CLUL1: variants seen among roughly 807,000 people sequenced by gnomAD.
CLUL1 encodes clusterin-like protein 1.
CLUL1 carries 43 observed loss-of-function variants against 49.4 expected under a neutral mutation model. The ratio of observed to expected loss-of-function variants is 0.87; its 90% CI spans 0.68 to 1.12. The LOEUF is 1.12. Among genes scored for constraint, CLUL1 ranks in the 50% most tolerant of loss-of-function variants. The pLI, the probability that CLUL1 is intolerant of heterozygous loss-of-function variation, is 0.00. For missense variants in CLUL1, 486 were observed against 544.4 expected (o/e 0.89, Z 1.07); for synonymous variants, 192 against 184.9 (o/e 1.04, Z -0.31).
Position 627,253 on chromosome 18 carries a change from C to G in CLUL1, c.580C>G (p.Leu194Val), listed in dbSNP as rs1339443860. Residue 194 changes from leucine to valine, a missense_variant, in exon 6 of 10, where the codon CTC becomes GTC. Leu to Val is a conservative substitution (Grantham distance 32). Coordinates refer to ENST00000692774, the MANE Select transcript of CLUL1 (RefSeq NM_001393344.1). Reference sequence around the variant, plus strand: ...CCAGTTGACTGTGGATGTGAATTCTCTCTTTAACAGGAGTTTTAACGTCTT... The same window carrying G: ...CCAGTTGACTGTGGATGTGAATTCTGTCTTTAACAGGAGTTTTAACGTCTT... ...FSQLTVDVNS[L>V]FNRSFNVFRQ... The G allele has an allele frequency of 3.7e-6, 6 of 1,614,018 alleles. No individual in the cohort carries two copies. The highest frequency in any genetic ancestry group is 2.2e-5 in the East Asian group (1 of 44,832).
chr18:629,614 C>T (rs556584642), intron 6 of CLUL1, among the ~76,000 whole-genome samples: 12 of 152,348 alleles, frequency 7.9e-5, no homozygotes, highest in Non-Finnish European at 1.5e-4. Flanking sequence ...GCCTCACACG[C>T]ACCCTCCCCA....
chr18:642,128 G>A (rs924341097), intron 8 of CLUL1, among the ~76,000 whole-genome samples: 2 of 152,152 alleles, frequency 1.3e-5, no homozygotes, highest in African/African-American at 2.4e-5. Flanking sequence ...TATGTTACTC[G>A]TCACATAAAA....
At chr18:647,688 C>T (rs1246562516) in intron 9 of CLUL1, among the ~76,000 whole-genome samples, 1 of 152,086 alleles carries the variant, frequency 6.6e-6, no homozygotes, top group East Asian at 1.9e-4. Context: ...CATGTAGTAC[C>T]CCTTTGTTTA....
intron 7 of CLUL1, among the ~76,000 whole-genome samples, chr18:638,720 T>C (rs1210192565): frequency 6.6e-6 from 1 of 151,842 alleles, no homozygotes; most frequent in East Asian, 1.9e-4. Context: ...TAGCCAGGTG[T>C]GGTGGTACGC....
chr18:629,287 C>T (rs1428681513), intron 6 of CLUL1, among the ~76,000 whole-genome samples: 1 of 152,162 alleles, frequency 6.6e-6, no homozygotes, highest in African/African-American at 2.4e-5. Context: ...TAGACTAAAT[C>T]TATCCAGGCT....
intron 2 of CLUL1, among the ~76,000 whole-genome samples, chr18:610,136 C>T (rs544568493): frequency 6.6e-6 from 1 of 152,206 alleles, no homozygotes; most frequent in South Asian, 2.1e-4. Context: ...AGATCAAGAA[C>T]CAAATTAAAA....
chr18:642,375 T>A (rs760638418), intron 8 of CLUL1, among the ~76,000 whole-genome samples: 2 of 152,144 alleles, frequency 1.3e-5, no homozygotes, highest in Non-Finnish European at 2.9e-5. Flanking sequence ...GAGGTTGCAG[T>A]GAGCTGAGAT....
intron 2 of CLUL1, among the ~76,000 whole-genome samples, chr18:615,524 A>G (rs1309073007): frequency 6.6e-6 from 1 of 152,202 alleles, no homozygotes; most frequent in East Asian, 1.9e-4. Context: ...GTGGTAAACT[A>G]ATGAGCAATG....
chr18:645,175 C>A, intron 9 of CLUL1, 78 bp downstream of exon 9: 5 of 1,151,022 alleles, frequency 4.3e-6, no homozygotes, highest in Non-Finnish European at 6.0e-6. Flanking sequence ...AAACTTGTTT[C>A]CAAATACCTG....
At chr18:646,925 T>G (rs1003757480) in intron 9 of CLUL1, among the ~76,000 whole-genome samples, 4 of 151,754 alleles carry the variant, frequency 2.6e-5, no homozygotes, top group Non-Finnish European at 5.9e-5. Context: ...AATTTTTGTG[T>G]TTTTTAGTAG....
intron 1 of CLUL1, among the ~76,000 whole-genome samples, chr18:603,172 A>G (rs956138712): frequency 6.6e-6 from 1 of 152,220 alleles, no homozygotes; most frequent in Admixed American, 6.5e-5. Flanking sequence ...CTACACTGGC[A>G]TCAGCTGGGA....
At chr18:613,190 G>A (rs746983288) in intron 2 of CLUL1, 19 of 474,350 alleles carry the variant, frequency 4.0e-5, no homozygotes, top group Admixed American at 1.1e-4. Context: ...CCAGACTGGA[G>A]TGCACTGCTG....
chr18:599,706 G>A (rs2072765777), intron 1 of CLUL1, among the ~76,000 whole-genome samples: 1 of 152,080 alleles, frequency 6.6e-6, no homozygotes, highest in Non-Finnish European at 1.5e-5. Context: ...GCTGAGGTGG[G>A]TAGATCACAA....
Position 606,852 on chromosome 18 carries a change from G to A in CLUL1, c.-135-126G>A. 1 of 499,606 alleles carries A rather than the reference G, an allele frequency of 2.0e-6. No individual in the cohort carries two copies. The highest frequency in any genetic ancestry group is 3.5e-6 in the Non-Finnish European group (1 of 281,766). 30.9% of individuals were successfully genotyped at this position (499,606 alleles called of 1,614,324 possible). A position where few individuals can be genotyped will look rare whatever the true frequency, so the allele number is the denominator to read the frequency against. On this transcript the variant is annotated intron_variant, in intron 1 of 9. Transcript: ENST00000692774. The surrounding 1 kb of genome is among the most constrained non-coding windows in gnomAD (Gnocchi z 4.1). ...CTTGGGCATCTGCCTTCCCCCACCA[G>A]CACCCCCCACAAGGCAAGGCCAGTT...
At chr18:644,148 T>C (rs541647190) in intron 8 of CLUL1, among the ~76,000 whole-genome samples, 65 of 152,218 alleles carry the variant, frequency 4.3e-4, no homozygotes, top group Non-Finnish European at 8.5e-4. Context: ...TTACAATTAT[T>C]TAAACCAAAC....
intron 2 of CLUL1, among the ~76,000 whole-genome samples, chr18:607,479 G>A (rs2143941474): frequency 6.6e-6 from 1 of 152,254 alleles, no homozygotes; most frequent in East Asian, 1.9e-4. Flanking sequence ...TGTTGCCTGG[G>A]CTGGAGTGTA....
At chr18:633,869 T>C (rs556277) in intron 7 of CLUL1, among the ~76,000 whole-genome samples, 7,766 of 107,398 alleles carry the variant, frequency 0.072, 411 homozygotes, top group African/African-American at 0.25. Flanking sequence ...TGAATCAGGG[T>C]GGAGCGTGTA....
At chr18:601,122 G>A (rs896707433) in intron 1 of CLUL1, among the ~76,000 whole-genome samples, 1 of 152,214 alleles carries the variant, frequency 6.6e-6, no homozygotes, top group Admixed American at 6.5e-5. Flanking sequence ...ATTGTCTAAT[G>A]TATGCCACTT....
chr18:610,465 G>A (rs2073101576), intron 2 of CLUL1, among the ~76,000 whole-genome samples: 1 of 152,118 alleles, frequency 6.6e-6, no homozygotes, highest in Non-Finnish European at 1.5e-5. Context: ...AAAAAGCTGG[G>A]TTAGGAACTG....
Sources: gnomAD v4.1 joint callset for allele counts (sites outside exome capture counted in the v4.1 genomes callset) on GRCh38, gnomAD v4.1.1 for gene constraint, Gnocchi (gnomAD v3.1) non-coding constraint, MANE v1.5 for transcripts, NCBI Gene and HGNC (gene_info 2026-07-23, HGNC 2026-07-21) for gene names.